Variants in KRAS observed in about 807,000 individuals in gnomAD.
KRAS encodes KRas proto-oncogene, GTPase.
In KRAS, 1 loss-of-function variant was observed where a neutral mutation model predicts 21.0. That is an observed-to-expected ratio of 0.05 (90% CI 0.02 to 0.23). The LOEUF (loss-of-function observed/expected upper bound fraction) is 0.23. Among genes scored for constraint, KRAS ranks in the 10% least tolerant of loss-of-function variants. The probability of loss-of-function intolerance (pLI) is 1.00; values close to 1 mark genes in which losing one functional copy is unlikely to be tolerated. For synonymous variants in KRAS, 67 were observed against 72.5 expected (o/e 0.92, Z 0.39); for missense variants, 107 against 221.8 (o/e 0.48, Z 3.29).
chr12:25,219,858 A>C (rs887691407), intron 4 of KRAS, among the ~76,000 whole-genome samples: 1 of 152,252 alleles, frequency 6.6e-6, no homozygotes, highest in African/African-American at 2.4e-5. Context: ...ACTATTAAAC[A>C]GAGACATAGC....
Position 25,213,288 on chromosome 12 carries a change from A to G in KRAS, c.451-3377T>C, listed in dbSNP as rs747214367. 1.2e-4 allele frequency among the ~76,000 whole-genome samples: 19 copies of G among 152,322 alleles called. 1 individual carries two copies. Among genetic ancestry groups the G allele is most frequent in the Middle Eastern group, 3.4e-3 (1 of 294 alleles). ...CTTCATTTTAAATATAAATTAGAGC[A>G]TAACACTTATTTTACTCTAAACAAT... On this transcript the variant is annotated intron_variant, in intron 4 of 4. Transcript: ENST00000311936.
At chr12:25,217,075 A>C (rs1951263903) in intron 4 of KRAS, among the ~76,000 whole-genome samples, 1 of 152,190 alleles carries the variant, frequency 6.6e-6, no homozygotes, top group South Asian at 2.1e-4. Flanking sequence ...CAATGTTTCT[A>C]CTGAACCAAA....
In KRAS at chr12:25,212,720, A is replaced by G. The variant is rs1951211632; in HGVS notation, c.451-2809T>C. ...ATCTTTTTCAGGACTAAGAAAAGCTAATTTATATATGTTTATCATTGTCAA... is the reference window on the plus strand; with the variant it reads ...ATCTTTTTCAGGACTAAGAAAAGCTGATTTATATATGTTTATCATTGTCAA... On this transcript the variant is annotated intron_variant, in intron 4 of 4. Transcript: ENST00000311936. Among the ~76,000 whole-genome samples, 3 of 152,160 alleles carry G rather than the reference A, an allele frequency of 2.0e-5. 1 individual carries two copies. The South Asian group carries it at 6.2e-4, about 32-fold the overall frequency.
At chr12:25,218,342 T>TTCTAAAATCAATATGAATGTGTCTA (rs369251072) in intron 4 of KRAS, among the ~76,000 whole-genome samples, 2,323 of 152,288 alleles carry the variant, frequency 0.015, 44 homozygotes, top group African/African-American at 0.05. Flanking sequence ...TTTAACTTAT[T>TTCTAAAATCAATATGAATGTGTCTA]TCTAAAATCA....
intron 2 of KRAS, among the ~76,000 whole-genome samples, chr12:25,235,496 A>G (rs1316308225): frequency 1.3e-5 from 2 of 152,236 alleles, no homozygotes; most frequent in Non-Finnish European, 2.9e-5. Context: ...TAGGTGTCAC[A>G]TTCCGTGTCA....
At chr12:25,228,456 T>C (rs984480873) in intron 2 of KRAS, among the ~76,000 whole-genome samples, 1 of 151,986 alleles carries the variant, frequency 6.6e-6, no homozygotes, top group Non-Finnish European at 1.5e-5. Flanking sequence ...TGTATATACA[T>C]GCTACAACAC....
Position 25,206,829 on chromosome 12 carries a change from G to T in KRAS, c.*2966C>A, listed in dbSNP as rs1342922854. 1.0e-5 allele frequency: 2 copies of T among 198,602 alleles called. No individual in the cohort carries two copies. Among genetic ancestry groups the T allele is most frequent in the East Asian group, 7.9e-5 (1 of 12,682 alleles). The allele number at this position is 198,602 out of a possible 1,614,324, so 12.3% of individuals were successfully genotyped here. Reference sequence around the variant, plus strand: ...TTTTAAGTATATTTTAATTACTTATGCAGAGAAAACTGGAATATTACACAT... The same window carrying T: ...TTTTAAGTATATTTTAATTACTTATTCAGAGAAAACTGGAATATTACACAT... On this transcript the variant is annotated 3_prime_UTR_variant, in exon 5 of 5. Coordinates refer to ENST00000311936, the MANE Select transcript of KRAS (RefSeq NM_004985.5).
rs1340828005 is a variant in KRAS at position 25,226,777 on chromosome 12, A to G, written c.290+457T>C. ...AGAACTGTAATGCCCAAATTCTTCA[A>G]TCTTTCAAAACTTTTATTTTTTAAA... On this transcript the variant is annotated intron_variant, in intron 3 of 4. Coordinates refer to ENST00000311936, the MANE Select transcript of KRAS (RefSeq NM_004985.5). 2.0e-5 allele frequency among the ~76,000 whole-genome samples: 3 copies of G among 152,230 alleles called. No homozygotes were observed. In the East Asian group the frequency reaches 5.8e-4, roughly 29 times the overall value.
rs1951530465 is a variant in KRAS, at chr12:25,235,327, G to A, written c.112-7915C>T. On this transcript the variant is annotated intron_variant, in intron 2 of 4. Coordinates refer to ENST00000311936, the MANE Select transcript of KRAS (RefSeq NM_004985.5). ...AATTCACTGTAGAATGATGTGTTCC[G>A]CACTTTCCGTTTATAAGCCATCAAA... is the stretch of plus-strand genomic sequence containing the variant. 3.0e-5 allele frequency: 13 copies of A among 430,684 alleles called. No homozygotes were observed. In the South Asian group the frequency reaches 3.9e-4, roughly 13 times the overall value. 26.7% of individuals were successfully genotyped at this position (430,684 alleles called of 1,614,324 possible).
chr12:25,229,753 C>T (rs1951441189), intron 2 of KRAS, among the ~76,000 whole-genome samples: 1 of 147,644 alleles, frequency 6.8e-6, no homozygotes, highest in African/African-American at 2.5e-5. Flanking sequence ...CACATGTAGG[C>T]TATAGTATTA....
intron 2 of KRAS, among the ~76,000 whole-genome samples, chr12:25,239,975 A>G (rs1951591221): frequency 6.6e-6 from 1 of 152,150 alleles, no homozygotes; most frequent in South Asian, 2.1e-4. Flanking sequence ...AAAAATTAAT[A>G]GAAATAGTGA....
intron 4 of KRAS, among the ~76,000 whole-genome samples, chr12:25,222,463 CAAAG>C (rs1337377284): frequency 6.6e-6 from 1 of 151,880 alleles, no homozygotes; most frequent in African/African-American, 2.4e-5. Flanking sequence ...AAAAGGAAAT[CAAAG>C]AACAGAAATT....
intron 2 of KRAS, among the ~76,000 whole-genome samples, chr12:25,239,949 T>A (rs1363480345): frequency 6.6e-6 from 1 of 150,620 alleles, no homozygotes; most frequent in African/African-American, 2.4e-5. Flanking sequence ...CGAGACTCCA[T>A]CTCAAAAACA....
intron 2 of KRAS, among the ~76,000 whole-genome samples, chr12:25,229,646 GATGTTACA>G (rs1951440360): frequency 6.6e-6 from 1 of 152,164 alleles, no homozygotes; most frequent in South Asian, 2.1e-4. Context: ...ATGGTAAAGG[GATGTTACA>G]ATGTGAAGCC....
At position 25,205,422 on chromosome 12, in the gene KRAS, C is replaced by G. The variant is rs560096888; in HGVS notation, c.*4373G>C. 1.9e-5 allele frequency: 4 copies of G among 214,344 alleles called. No individual in the cohort carries two copies. Among genetic ancestry groups the G allele is most frequent in the African/African-American group, 9.0e-5 (4 of 44,272 alleles). The allele number at this position is 214,344 out of a possible 1,614,324, so 13.3% of individuals were successfully genotyped here. Reference sequence around the variant, plus strand: ...GATATGACCAACATTCCTAGGTCAGCGCAACCAAATGATGGAAAACAACTG... The same window carrying G: ...GATATGACCAACATTCCTAGGTCAGGGCAACCAAATGATGGAAAACAACTG... On this transcript the variant is annotated 3_prime_UTR_variant, in exon 5 of 5. Transcript: ENST00000311936.
rs138291259 is a variant in KRAS at position 25,229,321 on chromosome 12, T to C, written c.112-1909A>G. 4.2e-3 allele frequency among the ~76,000 whole-genome samples: 636 copies of C among 152,250 alleles called. 5 individuals are homozygous for C. Among genetic ancestry groups the C allele is most frequent in the African/African-American group, 0.014 (602 of 41,520 alleles). On this transcript the variant is annotated intron_variant, in intron 2 of 4. Coordinates refer to ENST00000311936, the MANE Select transcript of KRAS (RefSeq NM_004985.5). ...AATTGTCATGCATCTATTTTATCTA[T>C]AGTCAAAGGCACACATAAGGAAATG... is the stretch of plus-strand genomic sequence containing the variant.
At chr12:25,213,962 A>T (rs1444168163) in intron 4 of KRAS, among the ~76,000 whole-genome samples, 1 of 152,232 alleles carries the variant, frequency 6.6e-6, no homozygotes, top group African/African-American at 2.4e-5. Flanking sequence ...GATTAAAAAT[A>T]TGTAATTCTG....
rs11287628 is a variant in KRAS at position 25,229,770 on chromosome 12, C to CT, written c.112-2359dup. On this transcript the variant is annotated intron_variant, in intron 2 of 4. Transcript: ENST00000311936. The stretch of plus-strand genomic sequence containing the variant: ...CATGTAGGCTATAGTATTAATGTAT[C>CT]TTTTTTTTTTTTTTTTGAGATGGAG... Among the ~76,000 whole-genome samples, 531 of 128,634 alleles carry CT rather than the reference C, an allele frequency of 4.1e-3. 2 individuals carry two copies. Among genetic ancestry groups the CT allele is most frequent in the African/African-American group, 0.014 (479 of 35,258 alleles). The allele number at this position is 128,634 out of a possible 152,430, so 84.4% of individuals were successfully genotyped here.
chr12:25,216,517 C>T (rs942177851), intron 4 of KRAS, among the ~76,000 whole-genome samples: 1 of 152,088 alleles, frequency 6.6e-6, no homozygotes, highest in African/African-American at 2.4e-5. Context: ...ACAAGTGATC[C>T]GCCCACCTTG....
Sources: allele counts gnomAD v4.1 joint callset (sites outside exome capture counted in the v4.1 genomes callset), GRCh38; gene constraint gnomAD v4.1.1; transcripts MANE v1.5; gene names NCBI Gene and HGNC (gene_info 2026-07-23, HGNC 2026-07-21).